Variants in SYAP1 observed in about 807,000 individuals in gnomAD.
SYAP1 encodes synapse associated protein 1.
In SYAP1, 3 loss-of-function variants were observed where a neutral mutation model predicts 29.6. That is an observed-to-expected ratio of 0.10 (90% confidence interval 0.05 to 0.26). The LOEUF (loss-of-function observed/expected upper bound fraction) is 0.26, where lower values mean the gene tolerates loss of function less well. SYAP1 is among the 10% of genes least tolerant of loss of function. The probability of loss-of-function intolerance (pLI) is 1.00; values close to 1 mark genes in which losing one functional copy is unlikely to be tolerated. For missense variants in SYAP1, 217 were observed against 264.1 expected (o/e 0.82, Z 1.24); for synonymous variants, 102 against 102.7 (o/e 0.99, Z 0.04).
At chrX:16,748,231 G>A (rs1318709646) in intron 5 of SYAP1, among the ~76,000 whole-genome samples, 2 of 112,301 alleles carry the variant, frequency 1.8e-5, no homozygotes, top group African/African-American at 6.5e-5. Context: ...GAACGCAACT[G>A]GTGAAATGCT....
At chrX:16,756,558 G>GA (rs1926844399) in intron 6 of SYAP1, 105 bp from the exon 7 acceptor site, 1 of 715,896 alleles carries the variant, frequency 1.4e-6, no homozygotes, top group Admixed American at 3.3e-5. Flanking sequence ...ATTCATTTCT[G>GA]AAAATTATTT....
In SYAP1 at chrX:16,763,724, A is replaced by G. The variant is rs1927034266; in HGVS notation, c.*3365A>G. 1 of 111,867 alleles carries G rather than the reference A, an allele frequency of 8.9e-6. No homozygotes were observed. Among genetic ancestry groups the G allele is most frequent in the African/African-American group, 3.2e-5 (1 of 30,795 alleles). 9.2% of individuals were successfully genotyped at this position (111,867 alleles called of 1,213,427 possible). On this transcript the variant is annotated 3_prime_UTR_variant, in exon 9 of 9. Coordinates refer to ENST00000380155, the MANE Select transcript of SYAP1 (RefSeq NM_032796.4). ...AAGCAGCAATTACACTTGTACTCCC[A>G]GTGATTTAAGATGCACTATTGTAAT... is the stretch of plus-strand genomic sequence containing the variant.
At chrX:16,728,597 G>A (rs555773820) in intron 1 of SYAP1, among the ~76,000 whole-genome samples, 8 of 107,336 alleles carry the variant, frequency 7.5e-5, no homozygotes, top group South Asian at 8.1e-4. Flanking sequence ...CCCGGGAGGC[G>A]GAGTTTGCAG....
chrX:16,739,526 G>A (rs1361364275), intron 3 of SYAP1, among the ~76,000 whole-genome samples: 1 of 95,932 alleles, frequency 1.0e-5, no homozygotes, highest in Non-Finnish European at 2.0e-5. Context: ...GCCCAGGCTG[G>A]AGTGCAGTGG....
At chrX:16,732,828 G>A (rs772415301) in intron 1 of SYAP1, among the ~76,000 whole-genome samples, 23 of 112,059 alleles carry the variant, frequency 2.1e-4, no homozygotes, top group African/African-American at 6.8e-4. Flanking sequence ...CTGGTCATCC[G>A]CTGGGGATAC....
intron 1 of SYAP1, among the ~76,000 whole-genome samples, chrX:16,722,427 C>A (rs991589546): frequency 9.2e-6 from 1 of 109,077 alleles, no homozygotes; most frequent in Non-Finnish European, 1.9e-5. Flanking sequence ...ACTCAAGAGG[C>A]TGAGGCGGGA....
intron 1 of SYAP1, among the ~76,000 whole-genome samples, chrX:16,726,191 A>G (rs1164369392): frequency 8.9e-6 from 1 of 112,258 alleles, no homozygotes; most frequent in Non-Finnish European, 1.9e-5. Flanking sequence ...CTATACGTCT[A>G]CGTGTTAAGT....
chrX:16,737,229 A>T (rs1271685408), intron 3 of SYAP1, among the ~76,000 whole-genome samples: 2 of 111,410 alleles, frequency 1.8e-5, no homozygotes, highest in Non-Finnish European at 3.8e-5. Flanking sequence ...AAATAAAAAG[A>T]AATTAGCCAG....
Position 16,760,453 on chromosome X carries a change from G to T in SYAP1, c.*94G>T. On this transcript the variant is annotated 3_prime_UTR_variant, in exon 9 of 9. Transcript: ENST00000380155. ...TTACTGAATCAGAAGGCATGAAAGA[G>T]TATAATTTTATGAAATTCAAAATTA... 1.1e-6 allele frequency: 1 copy of T among 873,797 alleles called. No homozygotes were observed. The allele number at this position is 873,797 out of a possible 1,213,427, so 72.0% of individuals were successfully genotyped here. A position where few individuals can be genotyped will look rare whatever the true frequency, so the allele number is the denominator to read the frequency against.
chrX:16,742,022 G>A (rs1196302236), intron 4 of SYAP1, among the ~76,000 whole-genome samples: 1 of 108,001 alleles, frequency 9.3e-6, no homozygotes, highest in African/African-American at 3.4e-5. Context: ...CTGGAGTGTA[G>A]TGGTGCAATT....
At chrX:16,745,098 G>A (rs764079519) in intron 5 of SYAP1, among the ~76,000 whole-genome samples, 57 of 112,692 alleles carry the variant, frequency 5.1e-4, no homozygotes, top group African/African-American at 1.5e-3. Context: ...TACTGAAAGG[G>A]TACATGGCCG....
rs183826650 is a variant in SYAP1 at position 16,729,773 on chromosome X, C to T, written c.176-5454C>T. Reference sequence around the variant, plus strand: ...CAGGGATTACAGGCATGAGCCACTGCGCCCAGCCTATGTGCTTTTATTTTA... The same window carrying T: ...CAGGGATTACAGGCATGAGCCACTGTGCCCAGCCTATGTGCTTTTATTTTA... On this transcript the variant is annotated intron_variant, in intron 1 of 8. Coordinates refer to ENST00000380155, the MANE Select transcript of SYAP1 (RefSeq NM_032796.4). Among the ~76,000 whole-genome samples the T allele has an allele frequency of 2.4e-3, 264 of 111,178 alleles. 2 individuals are homozygous for T. The highest frequency in any genetic ancestry group is 8.3e-3 in the African/African-American group (255 of 30,658).
At chrX:16,738,918 A>G (rs908251933) in intron 3 of SYAP1, among the ~76,000 whole-genome samples, 2 of 111,925 alleles carry the variant, frequency 1.8e-5, no homozygotes, top group African/African-American at 6.5e-5. Context: ...CCAGATAAGG[A>G]AACTGGCCTA....
At chrX:16,724,282 A>G (rs1377207272) in intron 1 of SYAP1, among the ~76,000 whole-genome samples, 2 of 111,975 alleles carry the variant, frequency 1.8e-5, no homozygotes, top group Non-Finnish European at 3.8e-5. Flanking sequence ...GAAGCTCATT[A>G]GAGACTCAGT....
chrX:16,728,187 T>G (rs1481618631), intron 1 of SYAP1, among the ~76,000 whole-genome samples: 2 of 111,328 alleles, frequency 1.8e-5, no homozygotes, highest in African/African-American at 6.5e-5. Context: ...AAAAGATCAC[T>G]CCAGTCTCCT....
intron 1 of SYAP1, among the ~76,000 whole-genome samples, chrX:16,729,724 T>C (rs899206508): frequency 1.8e-5 from 2 of 111,041 alleles, no homozygotes; most frequent in Non-Finnish European, 3.8e-5. Context: ...CCTTGTGATC[T>C]GCCCACCTTG....
At chrX:16,722,343 C>T (rs984891452) in intron 1 of SYAP1, among the ~76,000 whole-genome samples, 6 of 110,784 alleles carry the variant, frequency 5.4e-5, no homozygotes, top group African/African-American at 1.3e-4. Context: ...GCCTGACCAA[C>T]GTGGTGAAAC....
intron 1 of SYAP1, 117 bp from the exon 2 acceptor site, chrX:16,735,110 A>T: frequency 2.4e-6 from 1 of 418,186 alleles, no homozygotes; most frequent in Non-Finnish European, 4.1e-6. Context: ...GCTTCTCATT[A>T]CTTGTTTCAG....
chrX:16,763,373 G>C lies in SYAP1; in HGVS notation c.*3014G>C. 9.3e-6 allele frequency: 1 copy of C among 107,100 alleles called. No homozygotes were observed. Among genetic ancestry groups the C allele is most frequent in the Middle Eastern group, 4.7e-3 (1 of 213 alleles). The allele number at this position is 107,100 out of a possible 1,213,427, so 8.8% of individuals were successfully genotyped here. ...TTTTTGTTTGTTTTTTTTTCTTGGA[G>C]ACAGAATCTTGCTCTGTCACCCAGG... On this transcript the variant is annotated 3_prime_UTR_variant, in exon 9 of 9. Transcript: ENST00000380155.
Sources: gnomAD v4.1 joint callset for allele counts (sites outside exome capture counted in the v4.1 genomes callset) on GRCh38, gnomAD v4.1.1 for gene constraint, MANE v1.5 for transcripts, NCBI Gene and HGNC (gene_info 2026-07-23, HGNC 2026-07-21) for gene names.